Variants in ACOT9 observed in about 807,000 individuals in gnomAD.
ACOT9 encodes acyl-coenzyme A thioesterase 9, mitochondrial.
ACOT9 carries 34 observed loss-of-function variants against 39.7 expected under a neutral mutation model. The observed-to-expected ratio is 0.86, with a 90% CI of 0.65 to 1.14. ACOT9 has a LOEUF of 1.14. Ranked by LOEUF, ACOT9 falls within the 50% of genes most tolerant of loss-of-function variation. The pLI is 0.00. For synonymous variants in ACOT9, 110 were observed against 120.5 expected, an observed-to-expected ratio of 0.91 and a Z score of 0.57; for missense variants, 313 against 344.1, an observed-to-expected ratio of 0.91 and a Z score of 0.71.
At chrX:23,718,837 C>T (rs184010919) in intron 8 of ACOT9, among the ~76,000 whole-genome samples, 3,582 of 93,386 alleles carry the variant, frequency 0.038, 190 homozygotes, top group African/African-American at 0.14. Context: ...ACCCAGGAGA[C>T]GGAGCTTGCA....
Position 23,701,691 on chromosome X carries a change from C to A in ACOT9, c.*2203G>T, listed in dbSNP as rs1327118138. ...CTCACTATGTTTCCCAGGCTGGTCT[C>A]AAGCGATCCTCCCATCTCAGTCTCC... On this transcript the variant is annotated 3_prime_UTR_variant, in exon 16 of 16. Coordinates refer to ENST00000379303, the MANE Select transcript of ACOT9 (RefSeq NM_001037171.2). Among the ~76,000 whole-genome samples, 1 of 111,292 alleles carries A rather than the reference C, an allele frequency of 9.0e-6. No homozygotes were observed. Among genetic ancestry groups the A allele is most frequent in the Non-Finnish European group, 1.9e-5 (1 of 52,977 alleles).
At chrX:23,706,010 A>G in intron 11 of ACOT9, 152 bp from the exon 12 acceptor site, 1 of 467,330 alleles carries the variant, frequency 2.1e-6, no homozygotes, top group Non-Finnish European at 3.7e-6. Context: ...CACGCCTGTA[A>G]TCCCAACACT....
intron 6 of ACOT9, among the ~76,000 whole-genome samples, chrX:23,729,776 C>T (rs950805869): frequency 4.2e-4 from 46 of 110,714 alleles, no homozygotes; most frequent in Non-Finnish European, 3.2e-4. Context: ...GGACTACAGG[C>T]GTATGCCACC....
intron 1 of ACOT9, among the ~76,000 whole-genome samples, chrX:23,736,957 T>A (rs1365024728): frequency 7.1e-5 from 8 of 111,958 alleles, no homozygotes; most frequent in Non-Finnish European, 1.5e-4. Flanking sequence ...ACAGGCAATA[T>A]CACAGATTAA....
Position 23,716,047 on chromosome X carries a change from T to C in ACOT9, c.589-2839A>G, listed in dbSNP as rs759434338. Among the ~76,000 whole-genome samples, 516 of 111,901 alleles carry C rather than the reference T, an allele frequency of 4.6e-3. 1 individual carries two copies. Among genetic ancestry groups the C allele is most frequent in the Non-Finnish European group, 7.1e-3 (375 of 53,178 alleles). On this transcript the variant is annotated intron_variant, in intron 8 of 15. Transcript: ENST00000379303. ...CAGTGGAAGAGAAAAGACATATTCATGCACAGCTCTGTAGGAGACTAGCAG... is the reference window on the plus strand; with the variant it reads ...CAGTGGAAGAGAAAAGACATATTCACGCACAGCTCTGTAGGAGACTAGCAG...
chrX:23,726,377 G>GC (rs955864563), intron 6 of ACOT9, among the ~76,000 whole-genome samples: 2 of 110,751 alleles, frequency 1.8e-5, no homozygotes, highest in Non-Finnish European at 3.8e-5. Context: ...TGTCACCAAA[G>GC]CCCAAGGATG....
Position 23,706,620 on chromosome X carries a change from A to G in ACOT9, c.842+8T>C. ...TGTTTTCCCAACGTGGAATCTCACC[A>G]TCCTTACTTTGGATCCAGTGTGCTG... On this transcript the variant is annotated splice_region_variant and intron_variant, in intron 11 of 15. Coordinates refer to ENST00000379303, the MANE Select transcript of ACOT9 (RefSeq NM_001037171.2). The G allele has an allele frequency of 8.9e-7, 1 of 1,124,727 alleles. No individual in the cohort carries two copies. The highest frequency in any genetic ancestry group is 1.2e-6 in the Non-Finnish European group (1 of 819,121). 92.7% of individuals were successfully genotyped at this position (1,124,727 alleles called of 1,213,427 possible).
intron 6 of ACOT9, among the ~76,000 whole-genome samples, chrX:23,727,066 CG>C (rs1208483134): frequency 4.5e-5 from 5 of 111,871 alleles, no homozygotes; most frequent in Non-Finnish European, 9.4e-5. Flanking sequence ...GTGATCCACC[CG>C]CCTCGGCCTC....
intron 14 of ACOT9, 53 bp downstream of exon 14, chrX:23,704,940 C>G: frequency 8.5e-7 from 1 of 1,181,929 alleles, no homozygotes; most frequent in Admixed American, 2.4e-5. Context: ...ATAGAAACTT[C>G]TAGGCTCAAA....
At chrX:23,708,678 C>T (rs1328104218) in intron 9 of ACOT9, among the ~76,000 whole-genome samples, 5 of 111,727 alleles carry the variant, frequency 4.5e-5, no homozygotes, top group Non-Finnish European at 9.4e-5. Context: ...TGGATTGGGT[C>T]CTGAATCAGG....
chrX:23,742,248 G>T (rs1301783922), intron 1 of ACOT9, among the ~76,000 whole-genome samples: 1 of 58,700 alleles, frequency 1.7e-5, no homozygotes, highest in African/African-American at 9.1e-5. Context: ...GAGAGAGAGA[G>T]AGAGAGAGAT....
chrX:23,705,378 G>A, intron 13 of ACOT9, 131 bp downstream of exon 13: 1 of 540,678 alleles, frequency 1.8e-6, no homozygotes, highest in South Asian at 3.3e-5. Flanking sequence ...AATTCAGCTG[G>A]TATCAGTGTG....
intron 1 of ACOT9, among the ~76,000 whole-genome samples, chrX:23,740,926 G>A (rs1217497066): frequency 1.8e-5 from 2 of 109,417 alleles, no homozygotes; most frequent in Admixed American, 1.0e-4. Context: ...TCAAATCCCA[G>A]GACCTTGTAA....
chrX:23,719,662 C>A (rs993897389), intron 8 of ACOT9, among the ~76,000 whole-genome samples: 5 of 110,838 alleles, frequency 4.5e-5, no homozygotes, highest in African/African-American at 1.6e-4. Context: ...CCCTCACATG[C>A]GCAGCTCACG....
chrX:23,720,806 C>T (rs1158312280), intron 8 of ACOT9, among the ~76,000 whole-genome samples: 1 of 111,199 alleles, frequency 9.0e-6, no homozygotes, highest in African/African-American at 3.3e-5. Flanking sequence ...TCCCTACCAC[C>T]ACCCGCCAAT....
At chrX:23,737,709 T>A (rs1001907126) in intron 1 of ACOT9, among the ~76,000 whole-genome samples, 2 of 111,516 alleles carry the variant, frequency 1.8e-5, no homozygotes, top group African/African-American at 3.3e-5. Context: ...ATACAATCCC[T>A]GCTGGTCCAC....
intron 8 of ACOT9, among the ~76,000 whole-genome samples, chrX:23,719,047 A>T (rs1490524858): frequency 3.6e-5 from 4 of 111,028 alleles, no homozygotes; most frequent in African/African-American, 1.3e-4. Flanking sequence ...GGGCGGGTGG[A>T]TGGCTTGAGT....
chrX:23,733,829 T>G (rs1929842110), intron 3 of ACOT9, among the ~76,000 whole-genome samples: 1 of 112,488 alleles, frequency 8.9e-6, no homozygotes, highest in Non-Finnish European at 1.9e-5. Flanking sequence ...TAGCACGATC[T>G]CAGCTCACTG....
rs138263297 is a variant in ACOT9 at position 23,714,660 on chromosome X, T to C, written c.589-1452A>G. Among the ~76,000 whole-genome samples, 391 of 111,439 alleles carry C rather than the reference T, an allele frequency of 3.5e-3. 2 individuals carry two copies. Among genetic ancestry groups the C allele is most frequent in the African/African-American group, 0.012 (366 of 30,711 alleles). On this transcript the variant is annotated intron_variant, in intron 8 of 15. Transcript: ENST00000379303. ...TCTCCCCAGGAAGAGGGTCTCACTCTATCACCCAGGTTGGAGTACAGTGGC... is the reference window on the plus strand; with the variant it reads ...TCTCCCCAGGAAGAGGGTCTCACTCCATCACCCAGGTTGGAGTACAGTGGC...
Sources: allele counts gnomAD v4.1 joint callset (sites outside exome capture counted in the v4.1 genomes callset), GRCh38; gene constraint gnomAD v4.1.1; transcripts MANE v1.5; gene names NCBI Gene and HGNC (gene_info 2026-07-23, HGNC 2026-07-21).